Variants in FEZF1 observed in about 807,000 individuals in gnomAD.
The protein encoded by FEZF1 is fez family zinc finger protein 1.
In FEZF1, 8 loss-of-function variants were observed where a neutral mutation model predicts 32.4. That is an observed-to-expected ratio of 0.25 (90% CI 0.15 to 0.45). The LOEUF (loss-of-function observed/expected upper bound fraction) is 0.45, where lower values mean the gene tolerates loss of function less well. Among genes scored for constraint, FEZF1 ranks in the 20% least tolerant of loss-of-function variants. The probability of loss-of-function intolerance (pLI) is 1.00; values close to 1 mark genes in which losing one functional copy is unlikely to be tolerated. For missense variants in FEZF1, 546 were observed against 622.3 expected, an observed-to-expected ratio of 0.88 and a Z score of 1.31; for synonymous variants, 259 against 265.2, an observed-to-expected ratio of 0.98 and a Z score of 0.23.
Position 122,302,421 on chromosome 7 carries a change from A to T in FEZF1, c.1070-66T>A. The T allele has an allele frequency of 6.2e-7, 1 of 1,600,588 alleles. No individual in the cohort carries two copies. The highest frequency in any genetic ancestry group is 1.1e-5 in the South Asian group (1 of 89,510). ...AAATAGCTTAAAAAGGGAGGAGCAGACACGTGGAAGGTAGCGCCAGGCAAG... is the reference window on the plus strand; with the variant it reads ...AAATAGCTTAAAAAGGGAGGAGCAGTCACGTGGAAGGTAGCGCCAGGCAAG... On this transcript the variant is annotated intron_variant, in intron 3 of 3. Coordinates refer to ENST00000442488, the MANE Select transcript of FEZF1 (RefSeq NM_001024613.4). This position sits in a 1 kb window ranked among gnomAD's most constrained non-coding sequence, Gnocchi z 4.4.
intron 1 of FEZF1, 85 bp downstream of exon 1, chr7:122,303,540 GGGAGGGAAGGAA>G: frequency 6.5e-6 from 2 of 308,402 alleles, no homozygotes; most frequent in Non-Finnish European, 1.2e-5. Flanking sequence ...GAAGGAAGGA[GGGAGGGAAGGAA>G]GGAGGGAAGG....
At chr7:122,308,077 T>C (rs1584964119), upstream of FEZF1, among the ~76,000 whole-genome samples, 2 of 152,348 alleles carry the variant, frequency 1.3e-5, no homozygotes, top group East Asian at 1.9e-4. Flanking sequence ...TTAAAACAAA[T>C]GCAAGGGAGC....
In FEZF1 at chr7:122,304,515, C is replaced by T; in HGVS notation, c.-78G>A. The T allele has an allele frequency of 1.6e-6, 2 of 1,276,830 alleles. No individual in the cohort carries two copies. Among genetic ancestry groups the T allele is most frequent in the Non-Finnish European group, 1.1e-6 (1 of 941,158 alleles). The allele number at this position is 1,276,830 out of a possible 1,614,324, so 79.1% of individuals were successfully genotyped here. A position where few individuals can be genotyped will look rare whatever the true frequency, so the allele number is the denominator to read the frequency against. On this transcript the variant is annotated 5_prime_UTR_variant, in exon 1 of 4. Coordinates refer to ENST00000442488, the MANE Select transcript of FEZF1 (RefSeq NM_001024613.4). Reference sequence around the variant, plus strand: ...TTGTTCCCTGCTTGTCACAGACCTGCGGAGAGGGGGACGGGCACCATCACC... The same window carrying T: ...TTGTTCCCTGCTTGTCACAGACCTGTGGAGAGGGGGACGGGCACCATCACC...
Position 122,302,410 on chromosome 7 carries a change from G to A in FEZF1, c.1070-55C>T. On this transcript the variant is annotated intron_variant, in intron 3 of 3. Transcript: ENST00000442488. This position sits in a 1 kb window ranked among gnomAD's most constrained non-coding sequence, Gnocchi z 4.4. ...TCTGAAAAAAAAAATAGCTTAAAAA[G>A]GGAGGAGCAGACACGTGGAAGGTAG... is the stretch of plus-strand genomic sequence containing the variant. 1 of 1,608,594 alleles carries A rather than the reference G, an allele frequency of 6.2e-7. No individual in the cohort carries two copies. Among genetic ancestry groups the A allele is most frequent in the Admixed American group, 1.7e-5 (1 of 59,468 alleles).
chr7:122,304,595 C>T lies in FEZF1; in HGVS notation c.-158G>A, dbSNP rs1253933362. On this transcript the variant is annotated 5_prime_UTR_variant, in exon 1 of 4. Coordinates refer to ENST00000442488, the MANE Select transcript of FEZF1 (RefSeq NM_001024613.4). The stretch of plus-strand genomic sequence containing the variant: ...CAGCATCACCAGCCGAACCTGCCTG[C>T]CCAGCCCAATGGACTCCTGCCAGCC... 2.4e-5 allele frequency: 13 copies of T among 547,664 alleles called. No individual in the cohort carries two copies. The highest frequency in any genetic ancestry group is 1.9e-5 in the African/African-American group (1 of 52,744). 33.9% of individuals were successfully genotyped at this position (547,664 alleles called of 1,614,324 possible).
rs957821226 is a variant in FEZF1, at chr7:122,304,696, A to C, written c.-259T>G. 1 of 418,048 alleles carries C rather than the reference A, an allele frequency of 2.4e-6. No homozygotes were observed. The highest frequency in any genetic ancestry group is 3.9e-5 in the East Asian group (1 of 25,702). 25.9% of individuals were successfully genotyped at this position (418,048 alleles called of 1,614,324 possible). On this transcript the variant is annotated 5_prime_UTR_variant, in exon 1 of 4. The change creates a new upstream start codon in the 5' untranslated region. Coordinates refer to ENST00000442488, the MANE Select transcript of FEZF1 (RefSeq NM_001024613.4). ...TTCTATCAATAGAAAGTGTTGTGTC[A>C]ATAACGCAGCCAAGATCTCGCCAAT...
rs766021955 is a variant in FEZF1 at position 122,302,076 on chromosome 7, G to T, written c.1349C>A (p.Pro450Gln). ...EPPPPLPQQP[P>Q]MTLPPLQPPL... Reference sequence around the variant, plus strand: ...CGGCTGCAGAGGAGGCAGCGTCATCGGCGGCTGCTGCGGTAGCGGGGGCGG... The same window carrying T: ...CGGCTGCAGAGGAGGCAGCGTCATCTGCGGCTGCTGCGGTAGCGGGGGCGG... The change falls in exon 4 of 4, where the codon CCG becomes CAG. Residue 450 changes from proline to glutamine, a missense_variant. Around this residue, in one of 3 missense-constraint regions of FEZF1, gnomAD observed 83 missense variants for 73.0 expected, o/e 1.14. Transcript: ENST00000442488. This position sits in a 1 kb window ranked among gnomAD's most constrained non-coding sequence, Gnocchi z 4.4. The T allele has an allele frequency of 1.9e-6, 3 of 1,607,764 alleles. No individual in the cohort carries two copies. Among genetic ancestry groups the T allele is most frequent in the South Asian group, 1.1e-5 (1 of 90,976 alleles).
At position 122,304,249 on chromosome 7, in the gene FEZF1, G is replaced by A; in HGVS notation, c.189C>T (p.His63=). Residue 63 remains histidine (H), a synonymous_variant, in exon 1 of 4, where the codon CAC becomes CAT. Transcript: ENST00000442488. Reference sequence around the variant, plus strand: ...GGATCGACGAGTTGAGATGCAGAGAGTGCTTGGGTTCCCCCTTGGGTAAGG... The same window carrying A: ...GGATCGACGAGTTGAGATGCAGAGAATGCTTGGGTTCCCCCTTGGGTAAGG... ...QGALPKGEPK[H]SLHLNSSIPC... is the part of the protein sequence containing the mutation. The A allele has an allele frequency of 6.2e-7, 1 of 1,604,630 alleles. No individual in the cohort carries two copies. The highest frequency in any genetic ancestry group is 2.2e-5 in the East Asian group (1 of 44,662).
chr7:122,305,572 A>ACGCGCG (rs143482521), upstream of FEZF1: 14 of 152,248 alleles, frequency 9.2e-5, no homozygotes, highest in African/African-American at 2.9e-4. Context: ...ATACACACAG[A>ACGCGCG]CGCGCGCGCG....
At position 122,302,388 on chromosome 7, in the gene FEZF1, G is replaced by GA. The variant is rs144032772; in HGVS notation, c.1070-34dup. ...ACACAAATGACAGGAATATGGTTCT[G>GA]AAAAAAAAAATAGCTTAAAAAGGGA... On this transcript the variant is annotated intron_variant, in intron 3 of 3. Transcript: ENST00000442488. The surrounding 1 kb of genome is among the most constrained non-coding windows in gnomAD (Gnocchi z 4.4). 2.4e-3 allele frequency: 3,584 copies of GA among 1,470,522 alleles called. 5 individuals are homozygous for GA. Among genetic ancestry groups the GA allele is most frequent in the Admixed American group, 4.6e-3 (235 of 50,800 alleles). The allele number at this position is 1,470,522 out of a possible 1,614,324, so 91.1% of individuals were successfully genotyped here. A position where few individuals can be genotyped will look rare whatever the true frequency, so the allele number is the denominator to read the frequency against.
chr7:122,303,531 AAGGAAGG>A, intron 1 of FEZF1, 99 bp downstream of exon 1: 1 of 350,504 alleles, frequency 2.9e-6, no homozygotes, highest in Non-Finnish European at 5.1e-6. Context: ...GGAAGGAAGG[AAGGAAGG>A]AGGGAGGGAA....
rs1428514800 is a variant in FEZF1 at position 122,302,717 on chromosome 7, A to G, written c.1069+82T>C. 2 of 1,485,560 alleles carry G rather than the reference A, an allele frequency of 1.3e-6. No homozygotes were observed. Among genetic ancestry groups the G allele is most frequent in the Non-Finnish European group, 1.9e-6 (2 of 1,069,980 alleles). 92.0% of individuals were successfully genotyped at this position (1,485,560 alleles called of 1,614,324 possible). A position where few individuals can be genotyped will look rare whatever the true frequency, so the allele number is the denominator to read the frequency against. ...AGTGCCACATAACTACACTTTAAAC[A>G]TCGTCTTCTAAAACATCCCGAAAGT... On this transcript the variant is annotated intron_variant, in intron 3 of 3. Transcript: ENST00000442488. The surrounding 1 kb of genome is among the most constrained non-coding windows in gnomAD (Gnocchi z 4.4).
intron 1 of FEZF1, among the ~76,000 whole-genome samples, 161 bp from the exon 2 acceptor site, chr7:122,303,472 G>GGGAAGGAAGGAAGGAA (rs1159831933): frequency 2.4e-4 from 20 of 81,942 alleles, no homozygotes; most frequent in Middle Eastern, 6.3e-3. Flanking sequence ...GAGCGAGGGA[G>GGGAAGGAAGGAAGGAA]GGAAGGAAGG....
chr7:122,301,867 T>C lies in FEZF1; in HGVS notation c.*130A>G. The C allele has an allele frequency of 7.6e-7, 1 of 1,317,642 alleles. No homozygotes were observed. Among genetic ancestry groups the C allele is most frequent in the Non-Finnish European group, 1.0e-6 (1 of 979,506 alleles). 81.6% of individuals were successfully genotyped at this position (1,317,642 alleles called of 1,614,324 possible). ...GCGAAAGGCCAGGGGATGCAGAGGC[T>C]TCTGGTCGGCCCTGAAGTGTGGGGC... On this transcript the variant is annotated 3_prime_UTR_variant, in exon 4 of 4. Transcript: ENST00000442488.
In FEZF1 at chr7:122,302,481, G is replaced by A; in HGVS notation, c.1070-126C>T. On this transcript the variant is annotated intron_variant, in intron 3 of 3. Coordinates refer to ENST00000442488, the MANE Select transcript of FEZF1 (RefSeq NM_001024613.4). This position sits in a 1 kb window ranked among gnomAD's most constrained non-coding sequence, Gnocchi z 4.4. ...CGCCACAGGTCCCACAACAAGTGCA[G>A]GGCTACTATCTGTGCCTGCACTTGT... 1 of 1,422,246 alleles carries A rather than the reference G, an allele frequency of 7.0e-7. No individual in the cohort carries two copies. Among genetic ancestry groups the A allele is most frequent in the East Asian group, 2.4e-5 (1 of 41,312 alleles). 88.1% of individuals were successfully genotyped at this position (1,422,246 alleles called of 1,614,324 possible). A position where few individuals can be genotyped will look rare whatever the true frequency, so the allele number is the denominator to read the frequency against.
At chr7:122,308,432 A>T (rs2031340968), upstream of FEZF1, 1 of 152,234 alleles carries the variant, frequency 6.6e-6, no homozygotes, top group African/African-American at 2.4e-5. Flanking sequence ...TTTGACTTCA[A>T]TACTTTCTAA....
chr7:122,305,643 G>T (rs73717636), upstream of FEZF1: 1 of 152,322 alleles, frequency 6.6e-6, no homozygotes, highest in African/African-American at 2.4e-5. Context: ...AAGTACCTGC[G>T]CTCAGCTAGA....
At position 122,302,998 on chromosome 7, in the gene FEZF1, CA is replaced by C. The variant is rs749101343; in HGVS notation, c.937-68del. ...CTAATTATGTGAAGTTCTGCAAGCT[CA>C]AAACACAGTAATGCTTAAACACTTT... On this transcript the variant is annotated intron_variant, in intron 2 of 3. Transcript: ENST00000442488. The surrounding 1 kb of genome is among the most constrained non-coding windows in gnomAD (Gnocchi z 4.4). 5.8e-5 allele frequency: 90 copies of C among 1,553,772 alleles called. No individual in the cohort carries two copies. Among genetic ancestry groups the C allele is most frequent in the Non-Finnish European group, 7.6e-5 (87 of 1,146,268 alleles).
upstream of FEZF1, among the ~76,000 whole-genome samples, chr7:122,307,725 C>A (rs1043065612): frequency 2.6e-5 from 4 of 152,264 alleles, no homozygotes; most frequent in Non-Finnish European, 4.4e-5. Flanking sequence ...TGAGTTAACA[C>A]AAATATGGCA....
Sources: gnomAD v4.1 joint callset for allele counts (sites outside exome capture counted in the v4.1 genomes callset) on GRCh38, gnomAD v4.1.1 for gene constraint, gnomAD v4.1.1 regional missense constraint, Gnocchi (gnomAD v3.1) non-coding constraint, MANE v1.5 for transcripts, NCBI Gene and HGNC (gene_info 2026-07-23, HGNC 2026-07-21) for gene names.